PPP1R21: variants seen among roughly 807,000 people sequenced by gnomAD.
PPP1R21 encodes the protein KLRAQ motif containing 1.
In PPP1R21, 85 loss-of-function variants were observed where a neutral mutation model predicts 112.8. The ratio of observed to expected loss-of-function variants is 0.75; its 90% CI spans 0.63 to 0.90. The LOEUF (loss-of-function observed/expected upper bound fraction) is 0.90, where lower values mean the gene tolerates loss of function less well. Among genes scored for constraint, PPP1R21 ranks in the 40% least tolerant of loss-of-function variants. The pLI is 0.00. For synonymous variants in PPP1R21, 381 were observed against 322.3 expected (o/e 1.18, Z -1.95); for missense variants, 1,199 against 901.5 (o/e 1.33, Z -4.23).
intron 12 of PPP1R21, among the ~76,000 whole-genome samples, chr2:48,476,642 G>T (rs903256025): frequency 2.6e-5 from 4 of 152,044 alleles, no homozygotes; most frequent in Non-Finnish European, 5.9e-5. Flanking sequence ...TAGCTATTCT[G>T]GTGGGTATTA....
chr2:48,470,809 G>C (rs1442709348), intron 9 of PPP1R21, among the ~76,000 whole-genome samples: 1 of 152,122 alleles, frequency 6.6e-6, no homozygotes, highest in Non-Finnish European at 1.5e-5. Context: ...CTGATGCCTG[G>C]TTATTAATTG....
intron 13 of PPP1R21, among the ~76,000 whole-genome samples, chr2:48,483,988 T>G (rs566588169): frequency 6.6e-6 from 1 of 152,226 alleles, no homozygotes; most frequent in South Asian, 2.1e-4. Context: ...GTGCCCAGCC[T>G]AATGTATTAC....
At chr2:48,468,396 G>A (rs895411884) in intron 9 of PPP1R21, among the ~76,000 whole-genome samples, 1 of 152,062 alleles carries the variant, frequency 6.6e-6, no homozygotes, top group Non-Finnish European at 1.5e-5. Context: ...ATTAAACATT[G>A]GGCCTTTGAA....
At chr2:48,462,246 A>C (rs1256439980) in intron 7 of PPP1R21, among the ~76,000 whole-genome samples, 3 of 152,206 alleles carry the variant, frequency 2.0e-5, no homozygotes, top group Admixed American at 2.0e-4. Context: ...GAAATATTTA[A>C]AGATCATTTG....
At chr2:48,485,749 A>G (rs1012200772) in intron 13 of PPP1R21, among the ~76,000 whole-genome samples, 6 of 151,292 alleles carry the variant, frequency 4.0e-5, no homozygotes, top group South Asian at 2.1e-4. Flanking sequence ...TTAATTATCT[A>G]TAGTCTAAAA....
chr2:48,502,698 T>TTTTTTTA (rs1670176421), intron 17 of PPP1R21, among the ~76,000 whole-genome samples: 1 of 146,870 alleles, frequency 6.8e-6, no homozygotes, highest in Non-Finnish European at 1.5e-5. Context: ...TTTTTTTTTT[T>TTTTTTTA]GAGACGGAGT....
chr2:48,489,926 T>G (rs1669482955), intron 14 of PPP1R21, among the ~76,000 whole-genome samples: 1 of 152,018 alleles, frequency 6.6e-6, no homozygotes, highest in Non-Finnish European at 1.5e-5. Flanking sequence ...ACAACTGTAA[T>G]CCCAGCTACT....
intron 1 of PPP1R21, among the ~76,000 whole-genome samples, chr2:48,445,233 A>G (rs910832362): frequency 6.6e-6 from 1 of 151,242 alleles, no homozygotes; most frequent in African/African-American, 2.4e-5. Context: ...ATCCAATGGA[A>G]GTTTCCATGA....
chr2:48,459,928 A>G lies in PPP1R21; in HGVS notation c.540+10A>G. The G allele has an allele frequency of 6.2e-7, 1 of 1,611,288 alleles. No homozygotes were observed. The highest frequency in any genetic ancestry group is 1.1e-5 in the South Asian group (1 of 90,820). On this transcript the variant is annotated intron_variant, in intron 5 of 21. Coordinates refer to ENST00000294952, the MANE Select transcript of PPP1R21 (RefSeq NM_001135629.3). ...CAAGGCTAAACTAGAAGTAAGCCCC[A>G]TTGTGAGAGCACACTAAAAAATAGT... is the stretch of plus-strand genomic sequence containing the variant.
At chr2:48,489,300 C>G (rs747377677) in intron 14 of PPP1R21, among the ~76,000 whole-genome samples, 14 of 150,026 alleles carry the variant, frequency 9.3e-5, no homozygotes, top group Non-Finnish European at 2.1e-4. Flanking sequence ...CCCAGGAGTT[C>G]AAGACCAGCC....
At position 48,471,117 on chromosome 2, in the gene PPP1R21, T is replaced by A. The variant is rs1275502922; in HGVS notation, c.928T>A (p.Tyr310Asn). 1.9e-6 allele frequency: 3 copies of A among 1,612,584 alleles called. No individual in the cohort carries two copies. The highest frequency in any genetic ancestry group is 1.7e-4 in the Middle Eastern group (1 of 6,058). ...FSQYLHENASYVRPLEEGMLH... is the reference protein window; with the variant it reads ...FSQYLHENASNVRPLEEGMLH... ...ACAATACCTTCATGAAAATGCGTCC[T>A]ATGTCCGCCCTCTTGAGGAAGGAAT... Residue 310 changes from tyrosine to asparagine, a missense_variant, in exon 10 of 22, where the codon TAT (tyrosine) becomes AAT (asparagine). Transcript: ENST00000294952.
chr2:48,450,925 G>A (rs1251137554), intron 1 of PPP1R21, 83 bp from the exon 2 acceptor site: 5 of 1,122,728 alleles, frequency 4.5e-6, no homozygotes, highest in Non-Finnish European at 6.8e-6. Flanking sequence ...TCAGTGTAAT[G>A]ATGCCTGTAA....
At chr2:48,471,615 C>G (rs924555384) in intron 11 of PPP1R21, among the ~76,000 whole-genome samples, 10 of 152,202 alleles carry the variant, frequency 6.6e-5, no homozygotes, top group Non-Finnish European at 1.2e-4. Flanking sequence ...ATTATCATCC[C>G]TTTGCAGTTA....
intron 1 of PPP1R21, among the ~76,000 whole-genome samples, chr2:48,450,448 T>G (rs150546492): frequency 7.2e-5 from 11 of 152,372 alleles, no homozygotes; most frequent in African/African-American, 2.4e-4. Context: ...AAATGGAGCC[T>G]GCTTCTTAGT....
chr2:48,444,323 G>A (rs1667157941), intron 1 of PPP1R21, among the ~76,000 whole-genome samples: 1 of 152,186 alleles, frequency 6.6e-6, no homozygotes, highest in African/African-American at 2.4e-5. Flanking sequence ...GGTTTGTGAA[G>A]TTAATAACAG....
chr2:48,509,681 G>A (rs1670543947), intron 19 of PPP1R21, among the ~76,000 whole-genome samples: 1 of 151,730 alleles, frequency 6.6e-6, no homozygotes, highest in African/African-American at 2.4e-5. Context: ...CCCCAGCCTG[G>A]GCAACAGAGC....
intron 3 of PPP1R21, among the ~76,000 whole-genome samples, chr2:48,455,866 T>C (rs189231647): frequency 1.3e-5 from 2 of 151,838 alleles, no homozygotes; most frequent in Non-Finnish European, 1.5e-5. Flanking sequence ...TAGAAAAAAT[T>C]AGCTGGGCGT....
chr2:48,509,953 C>G (rs558073204), intron 19 of PPP1R21, 62 bp from the exon 20 acceptor site: 6 of 1,264,388 alleles, frequency 4.7e-6, no homozygotes, highest in East Asian at 4.7e-5. Flanking sequence ...CAAACTTTCC[C>G]GAAGCAAATT....
chr2:48,495,855 G>T, intron 16 of PPP1R21, 84 bp downstream of exon 16: 1 of 763,734 alleles, frequency 1.3e-6, no homozygotes, highest in South Asian at 1.5e-5. Flanking sequence ...TACGTAGAAT[G>T]ATTCAAAAGT....
Sources: gnomAD v4.1 joint callset for allele counts (sites outside exome capture counted in the v4.1 genomes callset) on GRCh38, gnomAD v4.1.1 for gene constraint, MANE v1.5 for transcripts, NCBI Gene and HGNC (gene_info 2026-07-23, HGNC 2026-07-21) for gene names.